The following PRPSAP1 variants were observed in gnomAD, a reference collection of about 807,000 sequenced individuals.
PRPSAP1 encodes phosphoribosyl pyrophosphate synthetase associated protein 1.
Under a neutral mutation model 39.4 loss-of-function variants are expected in PRPSAP1, and 31 were observed. That is an observed-to-expected ratio of 0.79 (90% CI 0.59 to 1.06). PRPSAP1 has a LOEUF of 1.06. Among genes scored for constraint, PRPSAP1 ranks in the 50% least tolerant of loss-of-function variants. PRPSAP1 has a pLI of 0.00. For synonymous variants in PRPSAP1, 212 were observed against 192.6 expected (o/e 1.10, Z -0.83); for missense variants, 430 against 511.6 (o/e 0.84, Z 1.54).
rs557302132 is a variant in PRPSAP1, at chr17:76,353,849, C to A, written c.-146G>T. 4 of 1,364,500 alleles carry A rather than the reference C, an allele frequency of 2.9e-6. No individual in the cohort carries two copies. The highest frequency in any genetic ancestry group is 1.7e-5 in the South Asian group (1 of 58,430). The allele number at this position is 1,364,500 out of a possible 1,614,324, so 84.5% of individuals were successfully genotyped here. A position where few individuals can be genotyped will look rare whatever the true frequency, so the allele number is the denominator to read the frequency against. ...GCTCCGAGGTCCGTGCCCTTGCGCA[C>A]CCCACACCACTGACTACAGCGGCCG... On this transcript the variant is annotated 5_prime_UTR_variant, in exon 1 of 10. Transcript: ENST00000446526.
At chr17:76,323,754 G>A (rs914472886) in intron 7 of PRPSAP1, among the ~76,000 whole-genome samples, 6 of 151,690 alleles carry the variant, frequency 4.0e-5, no homozygotes, top group African/African-American at 7.3e-5. Context: ...TGAAGATGCT[G>A]TGAACTCTGC....
chr17:76,316,174 TAAAA>T (rs1377721818), intron 7 of PRPSAP1, among the ~76,000 whole-genome samples: 2 of 73,522 alleles, frequency 2.7e-5, no homozygotes, highest in Admixed American at 3.5e-4. Flanking sequence ...AGACTCCGTC[TAAAA>T]AAAAAAAAAA....
Position 76,330,104 on chromosome 17 carries a change from T to C in PRPSAP1, c.580-6A>G, listed in dbSNP as rs774324405. The C allele has an allele frequency of 1.5e-5, 24 of 1,610,728 alleles. No homozygotes were observed. Among genetic ancestry groups the C allele is most frequent in the Non-Finnish European group, 2.5e-6 (3 of 1,177,122 alleles). ...GCATTTCTGTAATTTGGAATCTAGA[T>C]TTGAAGGAAAAATAGAAAATACTGA... is the stretch of plus-strand genomic sequence containing the variant. On this transcript the variant is annotated splice_region_variant and splice_polypyrimidine_tract_variant and intron_variant, in intron 5 of 9. Transcript: ENST00000446526.
At chr17:76,348,220 C>A in intron 2 of PRPSAP1, among the ~76,000 whole-genome samples, 1 of 151,594 alleles carries the variant, frequency 6.6e-6, no homozygotes, top group East Asian at 1.9e-4. Context: ...TGCCTGTAAT[C>A]CTAGCACTTT....
chr17:76,345,913 G>T, intron 2 of PRPSAP1: 1 of 433,138 alleles, frequency 2.3e-6, no homozygotes. Flanking sequence ...GAGAAGATCT[G>T]TGAGGCTGTC....
At chr17:76,348,838 T>C (rs1031849186) in intron 1 of PRPSAP1, among the ~76,000 whole-genome samples, 1 of 152,200 alleles carries the variant, frequency 6.6e-6, no homozygotes, top group Non-Finnish European at 1.5e-5. Flanking sequence ...GTTCTTTGAA[T>C]AGTAATTTTC....
At chr17:76,333,792 G>T (rs1188321727) in intron 3 of PRPSAP1, among the ~76,000 whole-genome samples, 3 of 152,218 alleles carry the variant, frequency 2.0e-5, no homozygotes, top group Non-Finnish European at 4.4e-5. Flanking sequence ...AATTTCCAAT[G>T]ATTATAAATT....
intron 2 of PRPSAP1, chr17:76,345,824 CT>C (rs2071494823): frequency 2.7e-6 from 1 of 370,782 alleles, no homozygotes; most frequent in Admixed American, 3.3e-5. Flanking sequence ...CGTCCGGCTG[CT>C]TTCGTTGCCA....
intron 7 of PRPSAP1, among the ~76,000 whole-genome samples, chr17:76,328,065 T>C (rs750390473): frequency 4.0e-5 from 6 of 151,482 alleles, no homozygotes; most frequent in Non-Finnish European, 5.9e-5. Flanking sequence ...GGCATGGTAG[T>C]GTACCCCTAC....
intron 7 of PRPSAP1, among the ~76,000 whole-genome samples, chr17:76,318,040 A>G (rs2071143348): frequency 6.6e-6 from 1 of 152,106 alleles, no homozygotes; most frequent in African/African-American, 2.4e-5. Flanking sequence ...GCCTTTACCT[A>G]CAAGATGCCA....
At chr17:76,327,123 G>A (rs1005936662) in intron 7 of PRPSAP1, among the ~76,000 whole-genome samples, 18 of 151,762 alleles carry the variant, frequency 1.2e-4, no homozygotes, top group Non-Finnish European at 2.1e-4. Context: ...CGAGGCAGGC[G>A]GATGACCTAA....
chr17:76,319,059 C>T (rs1268310879), intron 7 of PRPSAP1, among the ~76,000 whole-genome samples: 1 of 152,104 alleles, frequency 6.6e-6, no homozygotes, highest in East Asian at 1.9e-4. Flanking sequence ...CCTGCCTCAG[C>T]CTCCCAAGTA....
At chr17:76,332,730 T>C (rs1438672411) in intron 3 of PRPSAP1, among the ~76,000 whole-genome samples, 3 of 152,166 alleles carry the variant, frequency 2.0e-5, no homozygotes, top group African/African-American at 7.2e-5. Context: ...CTGAAGCAAC[T>C]GCTGGTGACC....
chr17:76,353,881 CGCA>C lies in PRPSAP1; in HGVS notation c.-181_-179del. ...CCACTGACTACAGCGGCCGAGCCTT[CGCA>C]GCGCCCGGCGCCGCCGCCTCAGAGC... On this transcript the variant is annotated 5_prime_UTR_variant, in exon 1 of 10. Coordinates refer to ENST00000446526, the MANE Select transcript of PRPSAP1 (RefSeq NM_002766.3). 1.1e-5 allele frequency: 15 copies of C among 1,311,562 alleles called. No homozygotes were observed. Among genetic ancestry groups the C allele is most frequent in the Non-Finnish European group, 1.5e-5 (15 of 1,034,334 alleles). 81.2% of individuals were successfully genotyped at this position (1,311,562 alleles called of 1,614,324 possible).
At chr17:76,329,959 G>A in intron 6 of PRPSAP1, 84 bp downstream of exon 6, 1 of 1,352,920 alleles carries the variant, frequency 7.4e-7, no homozygotes, top group Non-Finnish European at 1.0e-6. Flanking sequence ...AAGGCCACGA[G>A]TGACAGCCTC....
rs1276451321 is a variant in PRPSAP1 at position 76,330,205 on chromosome 17, A to T, written c.580-107T>A. 4 of 943,458 alleles carry T rather than the reference A, an allele frequency of 4.2e-6. No individual in the cohort carries two copies. The African/African-American group carries it at 6.6e-5, about 16-fold the overall frequency. 58.4% of individuals were successfully genotyped at this position (943,458 alleles called of 1,614,324 possible). The stretch of plus-strand genomic sequence containing the variant: ...TATAATGATCCAAACTAGTCATCAA[A>T]TATGCTAGAATTTTAGTCACAAGTT... On this transcript the variant is annotated intron_variant, in intron 5 of 9. Coordinates refer to ENST00000446526, the MANE Select transcript of PRPSAP1 (RefSeq NM_002766.3).
intron 7 of PRPSAP1, among the ~76,000 whole-genome samples, chr17:76,320,291 AAAG>A (rs199507969): frequency 0.68 from 75,319 of 110,634 alleles, 22,753 homozygotes; most frequent in Non-Finnish European, 0.71. Flanking sequence ...GAAAAGAAAG[AAAG>A]AAAGAAAAGA....
rs1303191755 is a variant in PRPSAP1, at chr17:76,311,325, T to C, written c.*217A>G. 5 of 459,256 alleles carry C rather than the reference T, an allele frequency of 1.1e-5. No homozygotes were observed. The highest frequency in any genetic ancestry group is 1.0e-4 in the African/African-American group (5 of 49,404). 28.4% of individuals were successfully genotyped at this position (459,256 alleles called of 1,614,324 possible). A position where few individuals can be genotyped will look rare whatever the true frequency, so the allele number is the denominator to read the frequency against. ...TAGAACTTTTAAGGAACAGGGCTGA[T>C]GACAGCAGACATGTAAGGCCATGTT... On this transcript the variant is annotated 3_prime_UTR_variant, in exon 10 of 10. Transcript: ENST00000446526.
At chr17:76,316,380 T>G (rs534640623) in intron 7 of PRPSAP1, among the ~76,000 whole-genome samples, 1 of 152,226 alleles carries the variant, frequency 6.6e-6, no homozygotes, top group Admixed American at 6.5e-5. Context: ...TAAAAAAGGC[T>G]AAAATGAAAG....
Sources: allele counts gnomAD v4.1 joint callset (sites outside exome capture counted in the v4.1 genomes callset), GRCh38; gene constraint gnomAD v4.1.1; transcripts MANE v1.5; gene names NCBI Gene and HGNC (gene_info 2026-07-23, HGNC 2026-07-21).